GALNT9: variants seen among roughly 807,000 people sequenced by gnomAD.
The protein encoded by GALNT9 is polypeptide N-acetylgalactosaminyltransferase 9, also known as GalNAc transferase 9.
Under a neutral mutation model 63.1 loss-of-function variants are expected in GALNT9, and 47 were observed. The observed-to-expected ratio is 0.75, with a 90% CI of 0.59 to 0.95. The LOEUF (loss-of-function observed/expected upper bound fraction) is 0.95, where lower values mean the gene tolerates loss of function less well. Among genes scored for constraint, GALNT9 ranks in the 40% least tolerant of loss-of-function variants. GALNT9 has a pLI of 0.00. For synonymous variants in GALNT9, 396 were observed against 365.7 expected, an observed-to-expected ratio of 1.08 and a Z score of -0.94; for missense variants, 829 against 874.8, an observed-to-expected ratio of 0.95 and a Z score of 0.66.
At chr12:132,313,670 C>A in intron 1 of GALNT9, among the ~76,000 whole-genome samples, 1 of 143,336 alleles carries the variant, frequency 7.0e-6, no homozygotes, top group South Asian at 2.5e-4. Flanking sequence ...ATCCACCCAT[C>A]CACCCACCCA....
rs78453444 is a variant in GALNT9, at chr12:132,294,536, C to G, written c.239-8106G>C. Reference sequence around the variant, plus strand: ...GCTGGGGACCCACTCAGACTCTGGCCTTGGAGCCAGGTCTCAGAGGCTTCA... The same window carrying G: ...GCTGGGGACCCACTCAGACTCTGGCGTTGGAGCCAGGTCTCAGAGGCTTCA... On this transcript the variant is annotated intron_variant, in intron 1 of 10. Transcript: ENST00000328957. 4.6e-3 allele frequency among the ~76,000 whole-genome samples: 545 copies of G among 117,398 alleles called. 3 individuals carry two copies. The highest frequency in any genetic ancestry group is 0.019 in the African/African-American group (516 of 26,650). The allele number at this position is 117,398 out of a possible 152,430, so 77.0% of individuals were successfully genotyped here. A position where few individuals can be genotyped will look rare whatever the true frequency, so the allele number is the denominator to read the frequency against.
intron 5 of GALNT9, among the ~76,000 whole-genome samples, chr12:132,249,838 C>A (rs1273064015): frequency 6.6e-6 from 1 of 152,168 alleles, no homozygotes; most frequent in African/African-American, 2.4e-5. Flanking sequence ...CTCAGGCTCG[C>A]GTGGGGCTGC....
At chr12:132,247,471 G>C in intron 6 of GALNT9, 1 of 389,162 alleles carries the variant, frequency 2.6e-6, no homozygotes, top group South Asian at 1.9e-5. Flanking sequence ...GACCCTGGGA[G>C]CCTTGGCCGC....
intron 1 of GALNT9, among the ~76,000 whole-genome samples, chr12:132,320,324 C>T (rs945053631): frequency 3.9e-5 from 6 of 152,218 alleles, no homozygotes; most frequent in Non-Finnish European, 5.9e-5. Context: ...CTCGAGGACG[C>T]GGGTGCGGCA....
chr12:132,286,183 T>C lies in GALNT9; in HGVS notation c.419+67A>G, dbSNP rs1317417513. 1.4e-6 allele frequency: 2 copies of C among 1,382,740 alleles called. No individual in the cohort carries two copies. The highest frequency in any genetic ancestry group is 1.4e-5 in the South Asian group (1 of 71,632). 85.7% of individuals were successfully genotyped at this position (1,382,740 alleles called of 1,614,324 possible). A position where few individuals can be genotyped will look rare whatever the true frequency, so the allele number is the denominator to read the frequency against. ...CCGGCGTGGGGGGCAGTCACTTCCC[T>C]GGCCAGTGTGGGGGGCGGTCACTTC... On this transcript the variant is annotated intron_variant, in intron 2 of 10. Transcript: ENST00000328957. The surrounding 1 kb of genome is among the most constrained non-coding windows in gnomAD (Gnocchi z 7.4).
chr12:132,219,973 C>CACCCGCCTGGGTAAGGGGAAGG (rs1215323801), intron 6 of GALNT9, among the ~76,000 whole-genome samples: 2 of 99,168 alleles, frequency 2.0e-5, no homozygotes, highest in Admixed American at 1.1e-4. Context: ...CTCCCCAGGG[C>CACCCGCCTGGGTAAGGGGAAGG]GGCACCCACC....
chr12:132,285,438 C>T lies in GALNT9; in HGVS notation c.419+812G>A, dbSNP rs1028278977. ...ATGCCAATTAATCTGGCGCTTGTCG[C>T]GGCTACTCCCTCAGGGCAGGTGTGA... On this transcript the variant is annotated intron_variant, in intron 2 of 10. Transcript: ENST00000328957. Among the ~76,000 whole-genome samples, 10 of 152,392 alleles carry T rather than the reference C, an allele frequency of 6.6e-5. 1 individual carries two copies. The South Asian group carries it at 8.3e-4, about 13-fold the overall frequency.
intron 2 of GALNT9, among the ~76,000 whole-genome samples, chr12:132,264,701 T>C (rs1879533719): frequency 6.6e-6 from 1 of 152,172 alleles, no homozygotes; most frequent in South Asian, 2.1e-4. Flanking sequence ...TTGGGTGACG[T>C]GCTCTTCCCT....
chr12:132,289,780 C>T (rs1312133265), intron 1 of GALNT9, among the ~76,000 whole-genome samples: 4 of 152,244 alleles, frequency 2.6e-5, no homozygotes, highest in Non-Finnish European at 5.9e-5. Flanking sequence ...CTTAAGAGAA[C>T]CAAGCAGCCC....
intron 1 of GALNT9, among the ~76,000 whole-genome samples, chr12:132,305,325 G>A (rs868917363): frequency 0.01 from 79 of 7,746 alleles, no homozygotes; most frequent in East Asian, 0.09. Context: ...ACCCAGACAC[G>A]CCCTCACCCA....
rs2135595354 is a variant in GALNT9, at chr12:132,327,203, G to A, written c.238+1763C>T. ...GAGAAACAATTTTAAAAGAAAGAAAGGAGGAAGGGGGAGGGAAGCGAAGAG... is the reference window on the plus strand; with the variant it reads ...GAGAAACAATTTTAAAAGAAAGAAAAGAGGAAGGGGGAGGGAAGCGAAGAG... On this transcript the variant is annotated intron_variant, in intron 1 of 10. Coordinates refer to ENST00000328957, the MANE Select transcript of GALNT9 (RefSeq NM_001122636.2). This position sits in a 1 kb window ranked among gnomAD's most constrained non-coding sequence, Gnocchi z 4.3. 6.6e-6 allele frequency among the ~76,000 whole-genome samples: 1 copy of A among 152,006 alleles called. No homozygotes were observed. The highest frequency in any genetic ancestry group is 1.9e-4 in the East Asian group (1 of 5,166).
intron 1 of GALNT9, among the ~76,000 whole-genome samples, chr12:132,312,067 C>T (rs1374451355): frequency 6.6e-6 from 1 of 152,218 alleles, no homozygotes; most frequent in African/African-American, 2.4e-5. Context: ...TCATTACAGA[C>T]TGGTCTTTTA....
chr12:132,220,175 C>A (rs1344289174), intron 6 of GALNT9, among the ~76,000 whole-genome samples: 1 of 152,200 alleles, frequency 6.6e-6, no homozygotes, highest in Non-Finnish European at 1.5e-5. Flanking sequence ...GGGAGGATCA[C>A]CTAAGCCCAG....
intron 6 of GALNT9, among the ~76,000 whole-genome samples, chr12:132,228,052 G>A (rs1015304363): frequency 1.7e-3 from 261 of 152,234 alleles, no homozygotes; most frequent in African/African-American, 6.0e-3. Context: ...GGGGAGTGGC[G>A]GTGCCAGACT....
At chr12:132,241,269 G>T (rs1593078146) in intron 6 of GALNT9, among the ~76,000 whole-genome samples, 11 of 49,124 alleles carry the variant, frequency 2.2e-4, no homozygotes, top group Non-Finnish European at 3.2e-4. Context: ...CCCCTTCCCG[G>T]GGCCCTCCCT....
chr12:132,253,129 C>T (rs1346936931), intron 5 of GALNT9, among the ~76,000 whole-genome samples: 23 of 152,228 alleles, frequency 1.5e-4, no homozygotes, highest in African/African-American at 5.5e-4. Context: ...GACTTTAAGA[C>T]TTCCACTATT....
intron 7 of GALNT9, 122 bp from the exon 8 acceptor site, chr12:132,201,383 A>G (rs943538697): frequency 2.1e-5 from 13 of 632,062 alleles, no homozygotes; most frequent in Admixed American, 2.7e-5. Flanking sequence ...CCCCCCCAGT[A>G]TTCAGATGCT....
intron 1 of GALNT9, among the ~76,000 whole-genome samples, chr12:132,317,798 G>A (rs976522555): frequency 1.6e-4 from 25 of 152,332 alleles, no homozygotes; most frequent in Non-Finnish European, 3.5e-4. Flanking sequence ...AGAAGGAGGA[G>A]GGGTATCGGT....
intron 1 of GALNT9, among the ~76,000 whole-genome samples, chr12:132,325,022 G>A (rs1555246429): frequency 2.0e-5 from 3 of 152,162 alleles, no homozygotes; most frequent in Non-Finnish European, 4.4e-5. Flanking sequence ...CATGGCTGTG[G>A]GCCATGCACG....
Sources: gnomAD v4.1 joint callset for allele counts (sites outside exome capture counted in the v4.1 genomes callset) on GRCh38, gnomAD v4.1.1 for gene constraint, Gnocchi (gnomAD v3.1) non-coding constraint, MANE v1.5 for transcripts, NCBI Gene and HGNC (gene_info 2026-07-23, HGNC 2026-07-21) for gene names.